The following MAPKAPK5 variants were observed in gnomAD, a reference collection of about 807,000 sequenced individuals.
MAPKAPK5 encodes the protein MAP kinase-activated protein kinase 5.
Under a neutral mutation model 65.1 loss-of-function variants are expected in MAPKAPK5, and 30 were observed. The observed-to-expected ratio is 0.46, with a 90% confidence interval of 0.34 to 0.63. The LOEUF is 0.63. MAPKAPK5 is among the 20% of genes least tolerant of loss of function. The pLI is 0.01. For missense variants in MAPKAPK5, 433 were observed against 581.4 expected, an observed-to-expected ratio of 0.74 and a Z score of 2.63; for synonymous variants, 179 against 204.6, an observed-to-expected ratio of 0.87 and a Z score of 1.07.
chr12:111,859,646 G>T (rs111752063), intron 1 of MAPKAPK5, among the ~76,000 whole-genome samples: 28,665 of 147,392 alleles, frequency 0.19, 2,955 homozygotes, highest in Middle Eastern at 0.28. Context: ...TCTTTTCTTT[G>T]CTTTTCTTTT....
Position 111,901,641 on chromosome 12 carries a change from A to G in MAPKAPK5, c.*8580A>G, listed in dbSNP as rs986088892. On this transcript the variant is annotated 3_prime_UTR_variant, in exon 14 of 14. Coordinates refer to ENST00000550735, the MANE Select transcript of MAPKAPK5 (RefSeq NM_003668.4). Reference sequence around the variant, plus strand: ...GCAGAAGTGGCCACAGAAGAAAAAGAAGAGAAGGAGGAAGAAAAAGAAGAG... The same window carrying G: ...GCAGAAGTGGCCACAGAAGAAAAAGGAGAGAAGGAGGAAGAAAAAGAAGAG... 3.6e-5 allele frequency: 10 copies of G among 274,780 alleles called. No individual in the cohort carries two copies. Among genetic ancestry groups the G allele is most frequent in the South Asian group, 3.5e-4 (10 of 28,192 alleles). The allele number at this position is 274,780 out of a possible 1,614,324, so 17.0% of individuals were successfully genotyped here.
chr12:111,880,354 T>C (rs758180456), intron 7 of MAPKAPK5, 93 bp from the exon 8 acceptor site: 11 of 1,008,346 alleles, frequency 1.1e-5, no homozygotes, highest in Admixed American at 3.7e-5. Flanking sequence ...GCCAGTTGTT[T>C]ACCTCCTTCA....
Position 111,880,540 on chromosome 12 carries a change from A to T in MAPKAPK5, c.660+13A>T. On this transcript the variant is annotated intron_variant, in intron 8 of 13. Transcript: ENST00000550735. ...CACTTACAACAAGGTACAGGAAGAG[A>T]TATTTCTCTTCATTTGACAGATGCA... is the stretch of plus-strand genomic sequence containing the variant. 6.2e-7 allele frequency: 1 copy of T among 1,611,850 alleles called. No individual in the cohort carries two copies. The highest frequency in any genetic ancestry group is 8.5e-7 in the Non-Finnish European group (1 of 1,178,130).
At chr12:111,863,123 G>C (rs1023454827) in intron 1 of MAPKAPK5, among the ~76,000 whole-genome samples, 7 of 152,186 alleles carry the variant, frequency 4.6e-5, no homozygotes, top group Admixed American at 3.9e-4. Flanking sequence ...AAGGTGCTTA[G>C]GGTAGGGGAT....
chr12:111,883,944 G>A lies in MAPKAPK5; in HGVS notation c.848+176G>A, dbSNP rs918135228. Among the ~76,000 whole-genome samples the A allele has an allele frequency of 6.6e-6, 1 of 152,172 alleles. No individual in the cohort carries two copies. Among genetic ancestry groups the A allele is most frequent in the Admixed American group, 6.5e-5 (1 of 15,276 alleles). On this transcript the variant is annotated intron_variant, in intron 9 of 13. Coordinates refer to ENST00000550735, the MANE Select transcript of MAPKAPK5 (RefSeq NM_003668.4). This position sits in a 1 kb window ranked among gnomAD's most constrained non-coding sequence, Gnocchi z 4.8. ...GTTCTCAGTGTCCACACCTTGGTGCGAATGAAGCTTTCCTCCCTCCTGTTG... is the reference window on the plus strand; with the variant it reads ...GTTCTCAGTGTCCACACCTTGGTGCAAATGAAGCTTTCCTCCCTCCTGTTG...
chr12:111,885,943 A>G lies in MAPKAPK5; in HGVS notation c.876A>G (p.Arg292=). 6.2e-7 allele frequency: 1 copy of G among 1,613,706 alleles called. No individual in the cohort carries two copies. Among genetic ancestry groups the G allele is most frequent in the Non-Finnish European group, 8.5e-7 (1 of 1,179,820 alleles). ...RKLLKVKPEE[R]LTIEGVLDHP... ...TCCTGAAGGTCAAACCGGAGGAGAG[A>G]CTCACCATCGAGGGAGTGCTGGACC... The change falls in exon 10 of 14, where the codon AGA becomes AGG. Residue 292 remains arginine (R), a synonymous_variant. Coordinates refer to ENST00000550735, the MANE Select transcript of MAPKAPK5 (RefSeq NM_003668.4).
chr12:111,868,765 A>C lies in MAPKAPK5; in HGVS notation c.297A>C (p.Leu99Phe). ...PHESSPRARL[L>F]IVMEMMEGGE... is the part of the protein sequence containing the mutation. ...TGCTTTCAAACAGGGCCCGACTCTT[A>C]ATTGTAATGGAGATGATGGAAGGGG... is the stretch of plus-strand genomic sequence containing the variant. The change falls in exon 5 of 14, where the codon TTA (leucine) becomes TTC (phenylalanine). Residue 99 changes from leucine (L) to phenylalanine (F), a missense_variant. Leu to Phe is a conservative substitution (Grantham distance 22). Coordinates refer to ENST00000550735, the MANE Select transcript of MAPKAPK5 (RefSeq NM_003668.4). 1 of 1,558,008 alleles carries C rather than the reference A, an allele frequency of 6.4e-7. No individual in the cohort carries two copies. Among genetic ancestry groups the C allele is most frequent in the Non-Finnish European group, 8.7e-7 (1 of 1,151,440 alleles).
chr12:111,842,890 C>T (rs1804109731), intron 1 of MAPKAPK5, 121 bp downstream of exon 1: 4 of 1,012,450 alleles, frequency 4.0e-6, no homozygotes, highest in Middle Eastern at 2.3e-4. Context: ...TTTCGGCCTC[C>T]CCCGGATTCC....
rs951479098 is a variant in MAPKAPK5 at position 111,902,052 on chromosome 12, T to C, written c.*8991T>C. 26 of 152,434 alleles carry C rather than the reference T, an allele frequency of 1.7e-4. No homozygotes were observed. Among genetic ancestry groups the C allele is most frequent in the African/African-American group, 6.3e-4 (26 of 41,468 alleles). The allele number at this position is 152,434 out of a possible 1,614,324, so 9.4% of individuals were successfully genotyped here. ...TTTGTTTGACATACAGAATCATATGTACCTGAATTTATTACTAACTCTGGG... is the reference window on the plus strand; with the variant it reads ...TTTGTTTGACATACAGAATCATATGCACCTGAATTTATTACTAACTCTGGG... On this transcript the variant is annotated 3_prime_UTR_variant, in exon 14 of 14. Transcript: ENST00000550735.
At position 111,896,091 on chromosome 12, in the gene MAPKAPK5, T is replaced by TA. The variant is rs2070802971; in HGVS notation, c.*3031dup. The stretch of plus-strand genomic sequence containing the variant: ...AGAAAAAAACAGTAATTATCTTTGT[T>TA]ACTCTTCTTCTTTAGAGGAATATTC... On this transcript the variant is annotated 3_prime_UTR_variant, in exon 14 of 14. Transcript: ENST00000550735. 6.6e-6 allele frequency: 1 copy of TA among 152,244 alleles called. No homozygotes were observed. The highest frequency in any genetic ancestry group is 2.4e-5 in the African/African-American group (1 of 41,458). The allele number at this position is 152,244 out of a possible 1,614,324, so 9.4% of individuals were successfully genotyped here.
chr12:111,857,283 T>C (rs940986047), intron 1 of MAPKAPK5, among the ~76,000 whole-genome samples: 1 of 151,638 alleles, frequency 6.6e-6, no homozygotes, highest in Non-Finnish European at 1.5e-5. Context: ...CTCCCGTTGC[T>C]TAGGCTAGAG....
intron 7 of MAPKAPK5, among the ~76,000 whole-genome samples, chr12:111,877,234 G>C (rs960485473): frequency 1.8e-5 from 2 of 110,888 alleles, no homozygotes; most frequent in Non-Finnish European, 3.9e-5. Flanking sequence ...GTTCAGGTTG[G>C]TCTTGAACTC....
chr12:111,890,205 T>C (rs2070555834), intron 13 of MAPKAPK5, 61 bp downstream of exon 13: 1 of 1,256,628 alleles, frequency 8.0e-7, no homozygotes. Flanking sequence ...GTTTAGAACA[T>C]ATAGGATCTC....
In MAPKAPK5 at chr12:111,900,500, C is replaced by T. The variant is rs577191995; in HGVS notation, c.*7439C>T. On this transcript the variant is annotated 3_prime_UTR_variant, in exon 14 of 14. Coordinates refer to ENST00000550735, the MANE Select transcript of MAPKAPK5 (RefSeq NM_003668.4). The stretch of plus-strand genomic sequence containing the variant: ...GCAGCTCTGACTACTTCTACCAGTT[C>T]CTTCGAGAACACAAAGGGGCCTGCC... 8.8e-6 allele frequency: 4 copies of T among 456,068 alleles called. No homozygotes were observed. Among genetic ancestry groups the T allele is most frequent in the South Asian group, 6.2e-5 (4 of 64,552 alleles). 28.3% of individuals were successfully genotyped at this position (456,068 alleles called of 1,614,324 possible).
At chr12:111,890,578 C>T (rs575826902) in intron 13 of MAPKAPK5, among the ~76,000 whole-genome samples, 3 of 152,170 alleles carry the variant, frequency 2.0e-5, no homozygotes, top group Non-Finnish European at 1.5e-5. Flanking sequence ...AGCTGTTTCA[C>T]GAAAGAGGAG....
At chr12:111,875,811 A>G (rs1467218310) in intron 7 of MAPKAPK5, among the ~76,000 whole-genome samples, 1 of 152,142 alleles carries the variant, frequency 6.6e-6, no homozygotes, top group Non-Finnish European at 1.5e-5. Context: ...GCGCTCTGCC[A>G]TAGGTGAGCC....
chr12:111,879,005 T>G (rs571814602), intron 7 of MAPKAPK5, among the ~76,000 whole-genome samples: 1 of 152,362 alleles, frequency 6.6e-6, no homozygotes, highest in Admixed American at 6.5e-5. Flanking sequence ...TCTGACTTCC[T>G]TGCATTTCCA....
chr12:111,865,880 A>G (rs996729795), intron 2 of MAPKAPK5, among the ~76,000 whole-genome samples: 2 of 147,232 alleles, frequency 1.4e-5, no homozygotes, highest in African/African-American at 2.5e-5. Context: ...CTGTGGGGCC[A>G]CTGTGAGAGT....
intron 7 of MAPKAPK5, among the ~76,000 whole-genome samples, chr12:111,877,686 C>CT (rs973190915): frequency 3.8e-4 from 57 of 151,706 alleles, no homozygotes; most frequent in African/African-American, 1.3e-3. Flanking sequence ...GAATTCCTTT[C>CT]TTTTTTTTGT....
Sources: gnomAD v4.1 joint callset for allele counts (sites outside exome capture counted in the v4.1 genomes callset) on GRCh38, gnomAD v4.1.1 for gene constraint, Gnocchi (gnomAD v3.1) non-coding constraint, MANE v1.5 for transcripts, NCBI Gene and HGNC (gene_info 2026-07-23, HGNC 2026-07-21) for gene names.